The following PCDHAC2 variants were observed in gnomAD, a reference collection of about 807,000 sequenced individuals.
The protein encoded by PCDHAC2 is protocadherin alpha subfamily C, 2.
Under a neutral mutation model 63.3 loss-of-function variants are expected in PCDHAC2, and 24 were observed. That is an observed-to-expected ratio of 0.38 (90% CI 0.27 to 0.53). The LOEUF (loss-of-function observed/expected upper bound fraction) is 0.53, where lower values mean the gene tolerates loss of function less well. Ranked by LOEUF, PCDHAC2 falls within the 20% of genes least tolerant of loss-of-function variation. PCDHAC2 has a pLI of 0.81. For synonymous variants in PCDHAC2, 569 were observed against 529.4 expected (o/e 1.07, Z -1.03); for missense variants, 1,181 against 1,275.2 (o/e 0.93, Z 1.12).
chr5:140,967,204 G>T lies in PCDHAC2; in HGVS notation c.438G>T (p.Pro146=). The change falls in exon 1 of 4, where the codon CCG becomes CCT. Residue 146 remains proline (P), a synonymous_variant. Transcript: ENST00000289269. ...VEILDINDNS[P]RFPRPNYQLQ... is the part of the protein sequence containing the mutation. ...TATTGGACATCAACGACAACTCACCGCGTTTCCCGCGGCCCAACTACCAGC... is the reference window on the plus strand; with the variant it reads ...TATTGGACATCAACGACAACTCACCTCGTTTCCCGCGGCCCAACTACCAGC... 6 of 1,613,634 alleles carry T rather than the reference G, an allele frequency of 3.7e-6. No homozygotes were observed. Among genetic ancestry groups the T allele is most frequent in the Non-Finnish European group, 5.1e-6 (6 of 1,179,834 alleles).
chr5:140,969,781 A>G (rs1017019880), intron 1 of PCDHAC2, among the ~76,000 whole-genome samples: 3 of 152,336 alleles, frequency 2.0e-5, no homozygotes, highest in East Asian at 1.9e-4. Flanking sequence ...AGGGGCTATC[A>G]TAGTCACCAC....
At position 140,976,923 on chromosome 5, in the gene PCDHAC2, C is replaced by T. The variant is rs2096737530; in HGVS notation, c.2566-2026C>T. Among the ~76,000 whole-genome samples the T allele has an allele frequency of 2.0e-5, 3 of 152,236 alleles. No individual in the cohort carries two copies. The South Asian group carries it at 6.2e-4, about 32-fold the overall frequency. On this transcript the variant is annotated intron_variant, in intron 1 of 3. Transcript: ENST00000289269. The stretch of plus-strand genomic sequence containing the variant: ...ATGTAATAAAGTGCAAAATCTAGTA[C>T]TGTGTAGCTACTTAAAACATATTAT...
intron 3 of PCDHAC2, among the ~76,000 whole-genome samples, chr5:140,987,129 G>A (rs1281954011): frequency 1.3e-5 from 2 of 151,758 alleles, no homozygotes; most frequent in African/African-American, 4.8e-5. Flanking sequence ...CAGGAGAATT[G>A]CTTGAACTCG....
At chr5:140,985,290 A>G (rs1471502675) in intron 3 of PCDHAC2, among the ~76,000 whole-genome samples, 1 of 152,108 alleles carries the variant, frequency 6.6e-6, no homozygotes, top group Non-Finnish European at 1.5e-5. Flanking sequence ...TCTATGATAT[A>G]GTGTTGGCTG....
chr5:140,967,690 C>T lies in PCDHAC2; in HGVS notation c.924C>T (p.Phe308=), dbSNP rs782694266. 1 of 1,614,190 alleles carries T rather than the reference C, an allele frequency of 6.2e-7. No individual in the cohort carries two copies. Among genetic ancestry groups the T allele is most frequent in the Admixed American group, 1.7e-5 (1 of 60,034 alleles). ...SYTSDRERQL[F]SIDASTGEVR... is the part of the protein sequence containing the mutation. ...CGTCGGACCGGGAGAGGCAGCTCTT[C>T]AGCATAGATGCCAGTACCGGGGAAG... Residue 308 remains phenylalanine, a synonymous_variant, in exon 1 of 4, where the codon TTC becomes TTT. Transcript: ENST00000289269.
At chr5:140,978,763 A>G (rs932766044) in intron 1 of PCDHAC2, among the ~76,000 whole-genome samples, 186 bp from the exon 2 acceptor site, 11 of 152,258 alleles carry the variant, frequency 7.2e-5, no homozygotes, top group Non-Finnish European at 1.3e-4. Flanking sequence ...GAGGACCCTG[A>G]TGAACTAATT....
Position 140,972,800 on chromosome 5 carries a change from A to G in PCDHAC2, c.2565+3469A>G, listed in dbSNP as rs937312575. ...TGCCTCAGCCTCCTGAGTAGCTGAGATTACAGGCACGCGCCACCACGCCTG... is the reference window on the plus strand; with the variant it reads ...TGCCTCAGCCTCCTGAGTAGCTGAGGTTACAGGCACGCGCCACCACGCCTG... On this transcript the variant is annotated intron_variant, in intron 1 of 3. Transcript: ENST00000289269. Among the ~76,000 whole-genome samples, 8 of 151,520 alleles carry G rather than the reference A, an allele frequency of 5.3e-5. No individual in the cohort carries two copies. In the South Asian group the frequency reaches 6.3e-4, roughly 12 times the overall value.
chr5:141,005,034 T>C (rs1435712039), intron 3 of PCDHAC2, among the ~76,000 whole-genome samples: 1 of 152,222 alleles, frequency 6.6e-6, no homozygotes, highest in Non-Finnish European at 1.5e-5. Flanking sequence ...ATTGCCCATA[T>C]GTGATACCAT....
rs782169362 is a variant in PCDHAC2 at position 140,979,015 on chromosome 5, T to A, written c.2624+8T>A. The A allele has an allele frequency of 6.2e-7, 1 of 1,613,920 alleles. No homozygotes were observed. Among genetic ancestry groups the A allele is most frequent in the Non-Finnish European group, 8.5e-7 (1 of 1,179,908 alleles). On this transcript the variant is annotated splice_region_variant and intron_variant, in intron 2 of 3. Coordinates refer to ENST00000289269, the MANE Select transcript of PCDHAC2 (RefSeq NM_018899.6). ...GAGAGCAGGCATGCACAGGTATGTA[T>A]TTCCCTCCTCATTCACTCAGAAGTA...
At chr5:140,984,547 C>T (rs1554246370) in intron 3 of PCDHAC2, among the ~76,000 whole-genome samples, 2 of 152,118 alleles carry the variant, frequency 1.3e-5, no homozygotes, top group Non-Finnish European at 2.9e-5. Context: ...CTGGATAGAG[C>T]TTACATCTTC....
At chr5:140,975,206 T>G (rs2096657939) in intron 1 of PCDHAC2, among the ~76,000 whole-genome samples, 1 of 152,232 alleles carries the variant, frequency 6.6e-6, no homozygotes, top group African/African-American at 2.4e-5. Context: ...TCTTCATGGC[T>G]GGCACTGGAG....
chr5:141,003,511 C>T (rs2098128112), intron 3 of PCDHAC2, among the ~76,000 whole-genome samples: 2 of 152,114 alleles, frequency 1.3e-5, no homozygotes, highest in African/African-American at 4.8e-5. Flanking sequence ...TGGGGTTTCA[C>T]CATGTTCCCT....
intron 3 of PCDHAC2, among the ~76,000 whole-genome samples, chr5:141,003,794 G>A (rs1158199764): frequency 6.6e-6 from 1 of 152,102 alleles, no homozygotes; most frequent in Non-Finnish European, 1.5e-5. Context: ...AAATCCTATT[G>A]GGTTGTAATC....
Position 141,009,608 on chromosome 5 carries a change from G to A in PCDHAC2, c.2714-19G>A, listed in dbSNP as rs1350951999. ...CATGTGTTGACCCTGTTAATGATTTGTAATGTTTTGTCTTTCAGAACCAGA... is the reference window on the plus strand; with the variant it reads ...CATGTGTTGACCCTGTTAATGATTTATAATGTTTTGTCTTTCAGAACCAGA... On this transcript the variant is annotated intron_variant, in intron 3 of 3. Coordinates refer to ENST00000289269, the MANE Select transcript of PCDHAC2 (RefSeq NM_018899.6). The A allele has an allele frequency of 2.5e-6, 4 of 1,610,656 alleles. No individual in the cohort carries two copies. The highest frequency in any genetic ancestry group is 3.4e-6 in the Non-Finnish European group (4 of 1,177,936).
At position 141,012,226 on chromosome 5, in the gene PCDHAC2, A is replaced by G. The variant is rs1021307000; in HGVS notation, c.*2289A>G. Reference sequence around the variant, plus strand: ...TTTTACATTTGCGAAGTGCTTTCCAATCCATGTTAGTTACTAGTTATTACA... The same window carrying G: ...TTTTACATTTGCGAAGTGCTTTCCAGTCCATGTTAGTTACTAGTTATTACA... On this transcript the variant is annotated 3_prime_UTR_variant, in exon 4 of 4. Transcript: ENST00000289269. The G allele has an allele frequency of 2.6e-5, 4 of 153,758 alleles. No individual in the cohort carries two copies. Among genetic ancestry groups the G allele is most frequent in the African/African-American group, 9.7e-5 (4 of 41,442 alleles). 9.5% of individuals were successfully genotyped at this position (153,758 alleles called of 1,614,324 possible). A position where few individuals can be genotyped will look rare whatever the true frequency, so the allele number is the denominator to read the frequency against.
At chr5:140,987,690 T>C (rs4912736) in intron 3 of PCDHAC2, among the ~76,000 whole-genome samples, 37,365 of 152,116 alleles carry the variant, frequency 0.25, 5,761 homozygotes, top group East Asian at 0.43. Context: ...AGTAGCTATT[T>C]TTAAATGATT....
intron 3 of PCDHAC2, among the ~76,000 whole-genome samples, chr5:141,000,533 T>G (rs1554257655): frequency 3.4e-5 from 5 of 147,384 alleles, no homozygotes; most frequent in Admixed American, 1.4e-4. Context: ...GTTCAAGTGA[T>G]TCTCATGCCT....
chr5:140,976,323 G>A (rs532976656), intron 1 of PCDHAC2, among the ~76,000 whole-genome samples: 26 of 152,258 alleles, frequency 1.7e-4, no homozygotes, highest in African/African-American at 6.0e-4. Context: ...GGCCGAGGAG[G>A]GTGGATTGCC....
At chr5:141,007,019 A>G (rs1230035062) in intron 3 of PCDHAC2, among the ~76,000 whole-genome samples, 1 of 152,192 alleles carries the variant, frequency 6.6e-6, no homozygotes, top group African/African-American at 2.4e-5. Flanking sequence ...CAGCTTATTC[A>G]TATGGTATTT....
Sources: gnomAD v4.1 joint callset for allele counts (sites outside exome capture counted in the v4.1 genomes callset) on GRCh38, gnomAD v4.1.1 for gene constraint, MANE v1.5 for transcripts, NCBI Gene and HGNC (gene_info 2026-07-23, HGNC 2026-07-21) for gene names.